C11orf65: variants seen among roughly 807,000 people sequenced by gnomAD.
The protein encoded by C11orf65 is chromosome 11 open reading frame 65.
In C11orf65, 38 loss-of-function variants were observed where a neutral mutation model predicts 35.3. That is an observed-to-expected ratio of 1.08 (90% confidence interval 0.83 to 1.41). C11orf65 has a LOEUF of 1.41. Ranked by LOEUF, C11orf65 falls within the 40% of genes most tolerant of loss-of-function variation. C11orf65 has a pLI of 0.00. For synonymous variants in C11orf65, 105 were observed against 114.4 expected (o/e 0.92, Z 0.53); for missense variants, 370 against 367.1 (o/e 1.01, Z -0.06).
At chr11:108,313,092 A>C (rs1001631425) in intron 6 of C11orf65, among the ~76,000 whole-genome samples, 33 of 152,196 alleles carry the variant, frequency 2.2e-4, no homozygotes, top group African/African-American at 7.7e-4. Context: ...ACTCTCAAAC[A>C]TTGAAATCTC....
At chr11:108,359,754 C>A (rs1371222215) in intron 2 of C11orf65, among the ~76,000 whole-genome samples, 21 of 152,100 alleles carry the variant, frequency 1.4e-4, no homozygotes, top group Non-Finnish European at 2.5e-4. Flanking sequence ...CCAACGAGAA[C>A]AAAGACACAA....
At position 108,316,036 on chromosome 11, in the gene C11orf65, A is replaced by G. The variant is rs759753186; in HGVS notation, c.641-6965T>C. 2 of 1,614,188 alleles carry G rather than the reference A, an allele frequency of 1.2e-6. No individual in the cohort carries two copies. Among genetic ancestry groups the G allele is most frequent in the East Asian group, 4.5e-5 (2 of 44,870 alleles). ...ACTACGAACATATGAACACGAAGCA[A>G]TGTGGGGCAAAGCCCTAGTAACATA... On this transcript the variant is annotated intron_variant, in intron 6 of 6. Coordinates refer to the C11orf65 transcript ENST00000525729.
At chr11:108,348,987 A>G (rs1304031485) in intron 2 of C11orf65, among the ~76,000 whole-genome samples, 1 of 152,238 alleles carries the variant, frequency 6.6e-6, no homozygotes, top group Non-Finnish European at 1.5e-5. Context: ...AATGACGGAG[A>G]TCCAGAATCT....
At chr11:108,428,896 C>G (rs577154646) in intron 3 of C11orf65, among the ~76,000 whole-genome samples, 1 of 152,274 alleles carries the variant, frequency 6.6e-6, no homozygotes, top group South Asian at 2.1e-4. Context: ...CCTGTTATCC[C>G]AGCACATTGG....
At chr11:108,355,725 G>A (rs2089828909) in intron 2 of C11orf65, 2 of 152,266 alleles carry the variant, frequency 1.3e-5, no homozygotes, top group Non-Finnish European at 2.9e-5. Flanking sequence ...GGTTTCTAGA[G>A]ATGGGGCAGG....
downstream of C11orf65, among the ~76,000 whole-genome samples, chr11:108,380,834 G>A (rs984267993): frequency 1.8e-4 from 28 of 152,136 alleles, no homozygotes; most frequent in African/African-American, 6.8e-4. Flanking sequence ...GTCCAGGTAT[G>A]GATTTGCCTT....
chr11:108,449,869 A>G (rs1158245982), intron 2 of C11orf65, among the ~76,000 whole-genome samples: 1 of 151,902 alleles, frequency 6.6e-6, no homozygotes, highest in Non-Finnish European at 1.5e-5. Context: ...ATGGGAGAAT[A>G]TTTTTGCAAC....
intron 8 of C11orf65, 145 bp downstream of exon 8, chr11:108,385,775 T>C (rs1456481323): frequency 3.0e-6 from 2 of 659,194 alleles, no homozygotes; most frequent in Admixed American, 5.5e-5. Flanking sequence ...CAATCTTACA[T>C]ACAAAGGTAA....
chr11:108,380,262 G>A (rs151193924), downstream of C11orf65, among the ~76,000 whole-genome samples: 641 of 152,312 alleles, frequency 4.2e-3, 5 homozygotes, highest in African/African-American at 0.015. Flanking sequence ...AAATCCTAGT[G>A]GGCAAAGCTT....
Position 108,419,238 on chromosome 11 carries a change from A to G in C11orf65, c.175-12089T>C, listed in dbSNP as rs542001770. ...TTTATACCAAATATTAGCAAACTAA[A>G]TTCAGTGATATTTTAAAGGGATAAG... is the stretch of plus-strand genomic sequence containing the variant. On this transcript the variant is annotated intron_variant, in intron 3 of 8. Coordinates refer to ENST00000393084, the MANE Select transcript of C11orf65 (RefSeq NM_152587.5). 2.6e-5 allele frequency among the ~76,000 whole-genome samples: 4 copies of G among 152,360 alleles called. No individual in the cohort carries two copies. The South Asian group carries it at 8.3e-4, about 32-fold the overall frequency.
At chr11:108,431,293 AT>A (rs765824629) in intron 3 of C11orf65, among the ~76,000 whole-genome samples, 19 of 152,240 alleles carry the variant, frequency 1.2e-4, no homozygotes, top group Non-Finnish European at 2.5e-4. Flanking sequence ...GAATGAATAA[AT>A]AGCAATATAT....
chr11:108,447,390 C>G (rs1319164865), intron 2 of C11orf65, among the ~76,000 whole-genome samples: 1 of 151,970 alleles, frequency 6.6e-6, no homozygotes, highest in Non-Finnish European at 1.5e-5. Context: ...GGAAGTAAAG[C>G]TCTCCTCAGC....
At chr11:108,325,934 G>A in intron 6 of C11orf65, 1 of 1,210,304 alleles carries the variant, frequency 8.3e-7, no homozygotes, top group Non-Finnish European at 1.2e-6. Context: ...AGGTCCTTAA[G>A]ATAGTCCCTG....
At chr11:108,379,829 T>G (rs1424806984), downstream of C11orf65, among the ~76,000 whole-genome samples, 1 of 152,078 alleles carries the variant, frequency 6.6e-6, no homozygotes, top group East Asian at 1.9e-4. Context: ...GACTTGGTGA[T>G]AAATGTTATA....
downstream of C11orf65, among the ~76,000 whole-genome samples, chr11:108,326,798 A>T (rs2085723399): frequency 6.6e-6 from 1 of 152,126 alleles, no homozygotes; most frequent in Non-Finnish European, 1.5e-5. Context: ...TGCTTAGTGA[A>T]TATCAGCTCA....
rs965644468 is a variant in C11orf65, at chr11:108,466,391, T to C, written c.-10+1080A>G. Among the ~76,000 whole-genome samples the C allele has an allele frequency of 3.9e-5, 6 of 152,250 alleles. No homozygotes were observed. In the East Asian group the frequency reaches 5.8e-4, roughly 15 times the overall value. On this transcript the variant is annotated intron_variant, in intron 1 of 8. Coordinates refer to ENST00000393084, the MANE Select transcript of C11orf65 (RefSeq NM_152587.5). Reference sequence around the variant, plus strand: ...GGGTTTGAGACCAGCCTGGCCAATATGGTGAAACCCTGTCTCTAGTAAAAA... The same window carrying C: ...GGGTTTGAGACCAGCCTGGCCAATACGGTGAAACCCTGTCTCTAGTAAAAA...
At chr11:108,354,244 T>C (rs2089606102) in intron 2 of C11orf65, among the ~76,000 whole-genome samples, 1 of 152,192 alleles carries the variant, frequency 6.6e-6, no homozygotes, top group East Asian at 1.9e-4. Flanking sequence ...TAAGCCCATG[T>C]AACATACATA....
chr11:108,415,718 A>G (rs969309397), intron 3 of C11orf65, among the ~76,000 whole-genome samples: 11 of 152,354 alleles, frequency 7.2e-5, no homozygotes, highest in African/African-American at 2.2e-4. Context: ...ACTTACCACG[A>G]AACTACAATA....
Position 108,385,933 on chromosome 11 carries a change from C to G in C11orf65, c.774G>C (p.Ser258=). 6.2e-7 allele frequency: 1 copy of G among 1,613,700 alleles called. No homozygotes were observed. Among genetic ancestry groups the G allele is most frequent in the Non-Finnish European group, 8.5e-7 (1 of 1,179,834 alleles). ...AAAATCACCTACCTTTGAAGTTAGCCGAAGAGTTGCTTGTAGCAATTTCCT... is the reference window on the plus strand; with the variant it reads ...AAAATCACCTACCTTTGAAGTTAGCGGAAGAGTTGCTTGTAGCAATTTCCT... The part of the protein sequence containing the change: ...SWKEIATSNS[S]ANFKGFRFNQ... Residue 258 remains serine (S), a synonymous_variant, in exon 8 of 9, where the codon TCG becomes TCC. Coordinates refer to ENST00000393084, the MANE Select transcript of C11orf65 (RefSeq NM_152587.5).
Sources: gnomAD v4.1 joint callset for allele counts (sites outside exome capture counted in the v4.1 genomes callset) on GRCh38, gnomAD v4.1.1 for gene constraint, MANE v1.5 for transcripts, NCBI Gene and HGNC (gene_info 2026-07-23, HGNC 2026-07-21) for gene names.